Variants in GRID1 observed in about 807,000 individuals in gnomAD.
The protein encoded by GRID1 is glutamate ionotropic receptor delta type subunit 1.
In GRID1, 28 loss-of-function variants were observed where a neutral mutation model predicts 98.0. The observed-to-expected ratio is 0.29, with a 90% CI of 0.21 to 0.39. GRID1 has a LOEUF of 0.39. Among genes scored for constraint, GRID1 ranks in the 10% least tolerant of loss-of-function variants. The pLI is 1.00. For missense variants in GRID1, 1,111 were observed against 1,340.5 expected, an observed-to-expected ratio of 0.83 and a Z score of 2.67; for synonymous variants, 553 against 538.5, an observed-to-expected ratio of 1.03 and a Z score of -0.37.
chr10:86,046,142 T>C (rs1170009868), intron 4 of GRID1, among the ~76,000 whole-genome samples: 2 of 152,180 alleles, frequency 1.3e-5, no homozygotes. Flanking sequence ...CCAGGAGTTA[T>C]TGCCCCTTTC....
intron 4 of GRID1, among the ~76,000 whole-genome samples, chr10:85,946,136 T>C (rs1842051030): frequency 6.6e-6 from 1 of 152,212 alleles, no homozygotes; most frequent in African/African-American, 2.4e-5. Context: ...AGTCCCAGAC[T>C]TTTAAGCACT....
chr10:86,298,547 T>TC (rs1454637948), intron 2 of GRID1, among the ~76,000 whole-genome samples: 1 of 152,186 alleles, frequency 6.6e-6, no homozygotes, highest in Non-Finnish European at 1.5e-5. Context: ...TTGTGAGGAC[T>TC]CACCCAGGCC....
chr10:85,960,662 G>T (rs1253439543), intron 4 of GRID1, among the ~76,000 whole-genome samples: 1 of 152,180 alleles, frequency 6.6e-6, no homozygotes, highest in East Asian at 1.9e-4. Context: ...GACCCCACCT[G>T]CAAGAATCTC....
Position 86,192,958 on chromosome 10 carries a change from C to T in GRID1, c.520+13406G>A, listed in dbSNP as rs1002811961. On this transcript the variant is annotated intron_variant, in intron 3 of 15. Transcript: ENST00000327946. The surrounding 1 kb of genome is among the most constrained non-coding windows in gnomAD (Gnocchi z 4.8). Reference sequence around the variant, plus strand: ...AAACAGAATGTGTGAGAGGCCAGAGCGTGTGTCTCAGGAGAGCCCGGGAGG... The same window carrying T: ...AAACAGAATGTGTGAGAGGCCAGAGTGTGTGTCTCAGGAGAGCCCGGGAGG... Among the ~76,000 whole-genome samples, 3 of 152,020 alleles carry T rather than the reference C, an allele frequency of 2.0e-5. No homozygotes were observed. The highest frequency in any genetic ancestry group is 2.9e-5 in the Non-Finnish European group (2 of 67,898).
At chr10:86,040,180 T>C (rs1314888072) in intron 4 of GRID1, among the ~76,000 whole-genome samples, 1 of 152,094 alleles carries the variant, frequency 6.6e-6, no homozygotes, top group Non-Finnish European at 1.5e-5. Context: ...TGAAAAACAG[T>C]ATGCAGTTTC....
chr10:85,737,147 T>C (rs1292333381), intron 8 of GRID1, among the ~76,000 whole-genome samples: 2 of 152,068 alleles, frequency 1.3e-5, no homozygotes, highest in Admixed American at 6.6e-5. Flanking sequence ...AGAGTATCCA[T>C]CTCAGTTAGG....
intron 4 of GRID1, among the ~76,000 whole-genome samples, chr10:85,953,360 A>G (rs982817816): frequency 6.6e-6 from 1 of 152,182 alleles, no homozygotes; most frequent in African/African-American, 2.4e-5. Flanking sequence ...ACTGGGGCCT[A>G]TTAGAGGGTG....
At chr10:85,727,729 G>T in intron 10 of GRID1, 126 bp downstream of exon 10, 1 of 676,794 alleles carries the variant, frequency 1.5e-6, no homozygotes. Flanking sequence ...CTTTGTGTGG[G>T]GAGAATGGTA....
At chr10:85,865,938 TATATAC>T (rs1480874293) in intron 6 of GRID1, among the ~76,000 whole-genome samples, 4 of 102,960 alleles carry the variant, frequency 3.9e-5, no homozygotes, top group African/African-American at 1.5e-4. Context: ...TATATATATA[TATATAC>T]ACATATATAT....
rs374476686 is a variant in GRID1, at chr10:86,115,350, GATGA to G, written c.726+23465_726+23468del. On this transcript the variant is annotated intron_variant, in intron 4 of 15. Transcript: ENST00000327946. The stretch of plus-strand genomic sequence containing the variant: ...TGGATTACAAATGAATGAAACAATA[GATGA>G]ATGAATGAATGAATGAATGAATGAA... Among the ~76,000 whole-genome samples, 718 of 152,060 alleles carry G rather than the reference GATGA, an allele frequency of 4.7e-3. 4 individuals are homozygous for G. The highest frequency in any genetic ancestry group is 0.023 in the East Asian group (119 of 5,180).
chr10:85,743,105 GCC>G (rs4031782), intron 8 of GRID1, among the ~76,000 whole-genome samples: 6 of 82,706 alleles, frequency 7.3e-5, no homozygotes, highest in South Asian at 1.2e-3. Context: ...GAATTATGCA[GCC>G]CCCCCCCCCA....
intron 2 of GRID1, among the ~76,000 whole-genome samples, chr10:86,340,552 A>G (rs1227689287): frequency 1.3e-5 from 2 of 152,136 alleles, no homozygotes; most frequent in Admixed American, 6.5e-5. Context: ...CCAAGCATGC[A>G]CTTGGGAACT....
chr10:85,946,500 C>G (rs1842055233), intron 4 of GRID1, among the ~76,000 whole-genome samples: 1 of 152,136 alleles, frequency 6.6e-6, no homozygotes, highest in African/African-American at 2.4e-5. Context: ...ATTGTGTAAC[C>G]CACTTTGGAA....
chr10:86,344,019 G>T (rs996912432), intron 2 of GRID1, among the ~76,000 whole-genome samples: 1 of 152,228 alleles, frequency 6.6e-6, no homozygotes, highest in African/African-American at 2.4e-5. Flanking sequence ...TTCATTGGCT[G>T]GCCCTGGCCG....
intron 12 of GRID1, among the ~76,000 whole-genome samples, chr10:85,678,607 T>C (rs757822061): frequency 3.9e-5 from 6 of 152,142 alleles, no homozygotes; most frequent in Non-Finnish European, 7.4e-5. Flanking sequence ...ATTATTTTCA[T>C]TTTCTCTAGT....
chr10:86,071,005 G>A (rs868507285), intron 4 of GRID1, among the ~76,000 whole-genome samples: 4 of 152,240 alleles, frequency 2.6e-5, no homozygotes, highest in Non-Finnish European at 5.9e-5. Context: ...CTGACACACT[G>A]CAGGTGAATT....
At chr10:85,617,203 T>C (rs1370712917) in intron 14 of GRID1, among the ~76,000 whole-genome samples, 2 of 151,758 alleles carry the variant, frequency 1.3e-5, no homozygotes, top group African/African-American at 4.8e-5. Context: ...AGCTCACAGT[T>C]CTGCATGCAC....
At chr10:86,100,762 G>T (rs1334055715) in intron 4 of GRID1, among the ~76,000 whole-genome samples, 1 of 152,230 alleles carries the variant, frequency 6.6e-6, no homozygotes, top group Non-Finnish European at 1.5e-5. Context: ...TGCACACGCA[G>T]GACGTGTCTT....
chr10:85,868,919 G>A (rs946016293), intron 6 of GRID1, 91 bp downstream of exon 6: 3 of 1,013,090 alleles, frequency 3.0e-6, no homozygotes, highest in African/African-American at 3.2e-5. Flanking sequence ...GAAGTTGGTG[G>A]CAATAGGAGG....
Sources: gnomAD v4.1 joint callset for allele counts (sites outside exome capture counted in the v4.1 genomes callset) on GRCh38, gnomAD v4.1.1 for gene constraint, Gnocchi (gnomAD v3.1) non-coding constraint, MANE v1.5 for transcripts, NCBI Gene and HGNC (gene_info 2026-07-23, HGNC 2026-07-21) for gene names.